The following DNAH14 variants were observed in gnomAD, a reference collection of about 807,000 sequenced individuals.
DNAH14 encodes dynein axonemal heavy chain 14.
In DNAH14, 478 loss-of-function variants were observed where a neutral mutation model predicts 520.9. The observed-to-expected ratio is 0.92, with a 90% CI of 0.85 to 0.99. The LOEUF (loss-of-function observed/expected upper bound fraction) is 0.99, where lower values mean the gene tolerates loss of function less well. Ranked by LOEUF, DNAH14 falls within the 50% of genes least tolerant of loss-of-function variation. The pLI, the probability that DNAH14 is intolerant of heterozygous loss-of-function variation, is 0.00. For synonymous variants in DNAH14, 1,581 were observed against 1,757.2 expected (o/e 0.90, Z 2.51); for missense variants, 4,831 against 5,234.5 (o/e 0.92, Z 2.38).
intron 15 of DNAH14, among the ~76,000 whole-genome samples, chr1:225,047,027 G>A (rs1235953433): frequency 1.3e-5 from 2 of 152,090 alleles, no homozygotes; most frequent in African/African-American, 4.8e-5. Flanking sequence ...ATTAGAGAAG[G>A]AAATTTAGGA....
At chr1:225,214,874 A>AT (rs2089057825) in intron 41 of DNAH14, among the ~76,000 whole-genome samples, 1 of 152,020 alleles carries the variant, frequency 6.6e-6, no homozygotes, top group Non-Finnish European at 1.5e-5. Flanking sequence ...GGATTCATTG[A>AT]TTTTTTGAAG....
At chr1:225,259,909 T>C (rs1413843036) in intron 46 of DNAH14, among the ~76,000 whole-genome samples, 1 of 152,206 alleles carries the variant, frequency 6.6e-6, no homozygotes, top group African/African-American at 2.4e-5. Flanking sequence ...TTTTAGAGAC[T>C]GAATAGTACT....
intron 49 of DNAH14, among the ~76,000 whole-genome samples, chr1:225,269,395 A>G (rs1037898116): frequency 2.0e-5 from 3 of 152,236 alleles, no homozygotes; most frequent in Non-Finnish European, 1.5e-5. Context: ...AACCTAGGCA[A>G]TACCATTCAG....
chr1:225,287,601 C>T (rs1180675696), intron 54 of DNAH14, among the ~76,000 whole-genome samples: 1 of 152,136 alleles, frequency 6.6e-6, no homozygotes, highest in African/African-American at 2.4e-5. Context: ...GGTTAGTATA[C>T]AAACATTTAT....
Position 225,319,477 on chromosome 1 carries a change from G to A in DNAH14, c.9335+800G>A, listed in dbSNP as rs548421631. 8.5e-5 allele frequency among the ~76,000 whole-genome samples: 13 copies of A among 152,172 alleles called. No homozygotes were observed. In the South Asian group the frequency reaches 1.0e-3, roughly 12 times the overall value. ...TGTGGAAATTTGGAGCAAACCTACC[G>A]TGATATTTATAACATATTATTAGCT... On this transcript the variant is annotated intron_variant, in intron 61 of 85. Transcript: ENST00000682510.
chr1:225,157,805 C>T (rs962458162), intron 34 of DNAH14, among the ~76,000 whole-genome samples: 1 of 152,176 alleles, frequency 6.6e-6, no homozygotes, highest in Admixed American at 6.5e-5. Flanking sequence ...CTCTTGCCCT[C>T]TCTTTGCCAA....
intron 46 of DNAH14, among the ~76,000 whole-genome samples, chr1:225,263,934 A>G (rs933856801): frequency 6.6e-5 from 10 of 152,244 alleles, no homozygotes; most frequent in African/African-American, 2.2e-4. Context: ...GTAATGGCTT[A>G]CTATCCAGAG....
At chr1:225,056,567 G>T (rs1183182312) in intron 17 of DNAH14, among the ~76,000 whole-genome samples, 1 of 152,172 alleles carries the variant, frequency 6.6e-6, no homozygotes, top group East Asian at 1.9e-4. Context: ...GGCTTCTGTT[G>T]CCATCGCTTT....
chr1:225,298,930 T>G (rs1275102357), intron 55 of DNAH14, among the ~76,000 whole-genome samples: 1 of 152,222 alleles, frequency 6.6e-6, no homozygotes, highest in Non-Finnish European at 1.5e-5. Flanking sequence ...CCAGCTGATC[T>G]GGACAGGGGA....
rs2095287836 is a variant in DNAH14 at position 225,346,470 on chromosome 1, T to A, written c.11112T>A (p.Ala3704=). 2 of 1,549,206 alleles carry A rather than the reference T, an allele frequency of 1.3e-6. No individual in the cohort carries two copies. Among genetic ancestry groups the A allele is most frequent in the Non-Finnish European group, 1.7e-6 (2 of 1,146,390 alleles). The change falls in exon 71 of 86, where the codon GCT becomes GCA. Residue 3704 remains alanine (A), a synonymous_variant. Coordinates refer to ENST00000682510, the MANE Select transcript of DNAH14 (RefSeq NM_001367479.1). ...TTTCCCTATAGGTGGTTTCTTCAGC[T>A]CTATTTAATGAAGATAAACTTTGCT... ...TKSIFKVVSS[A]LFNEDKLCFS...
intron 55 of DNAH14, among the ~76,000 whole-genome samples, chr1:225,296,758 A>T (rs2094018087): frequency 6.6e-6 from 1 of 152,136 alleles, no homozygotes; most frequent in East Asian, 1.9e-4. Flanking sequence ...TTTGTTGGAT[A>T]TAATTTTCTT....
intron 17 of DNAH14, among the ~76,000 whole-genome samples, chr1:225,056,003 C>T (rs2069041393): frequency 6.6e-6 from 1 of 151,898 alleles, no homozygotes; most frequent in African/African-American, 2.4e-5. Context: ...TATACATGTG[C>T]ATGTGTCTTT....
intron 41 of DNAH14, among the ~76,000 whole-genome samples, chr1:225,220,610 T>C (rs183083653): frequency 3.9e-3 from 591 of 152,114 alleles, no homozygotes; most frequent in Non-Finnish European, 6.4e-3. Context: ...GTGATGGACC[T>C]CTTCAAGGAG....
At chr1:225,038,592 T>A in intron 11 of DNAH14, 102 bp from the exon 12 acceptor site, 1 of 1,237,968 alleles carries the variant, frequency 8.1e-7, no homozygotes, top group Non-Finnish European at 1.1e-6. Flanking sequence ...TTTGCCTGTT[T>A]TTTAATTGGG....
chr1:225,393,946 GC>G (rs2095963442), intron 84 of DNAH14, among the ~76,000 whole-genome samples: 1 of 151,520 alleles, frequency 6.6e-6, no homozygotes, highest in Admixed American at 6.6e-5. Flanking sequence ...AGCCTCCCAA[GC>G]AGCTGGGACT....
chr1:225,211,968 A>T (rs1399801371), intron 41 of DNAH14, among the ~76,000 whole-genome samples: 2 of 151,798 alleles, frequency 1.3e-5, no homozygotes, highest in African/African-American at 4.8e-5. Context: ...CAGGTTTGTT[A>T]CGTATGTATA....
chr1:224,940,334 C>A (rs74149420), intron 1 of DNAH14, among the ~76,000 whole-genome samples: 4 of 152,030 alleles, frequency 2.6e-5, no homozygotes, highest in African/African-American at 9.7e-5. Context: ...AAGACCAGCC[C>A]AGATTTAAAA....
At chr1:225,260,048 C>G (rs1413842093) in intron 46 of DNAH14, among the ~76,000 whole-genome samples, 2 of 151,774 alleles carry the variant, frequency 1.3e-5, no homozygotes, top group African/African-American at 4.8e-5. Flanking sequence ...ACACAGACAC[C>G]ACATTTTAAA....
chr1:225,290,282 T>C (rs1239055732), intron 55 of DNAH14, among the ~76,000 whole-genome samples, 200 bp downstream of exon 55: 3 of 152,064 alleles, frequency 2.0e-5, no homozygotes, highest in Non-Finnish European at 4.4e-5. Context: ...AATGACGCCA[T>C]AGGTAGTTAT....
Sources: gnomAD v4.1 joint callset for allele counts (sites outside exome capture counted in the v4.1 genomes callset) on GRCh38, gnomAD v4.1.1 for gene constraint, MANE v1.5 for transcripts, NCBI Gene and HGNC (gene_info 2026-07-23, HGNC 2026-07-21) for gene names.